CYTH3: variants seen among roughly 807,000 people sequenced by gnomAD.
The protein encoded by CYTH3 is cytohesin 3.
In CYTH3, 23 loss-of-function variants were observed where a neutral mutation model predicts 55.1. The ratio of observed to expected loss-of-function variants is 0.42; its 90% CI spans 0.30 to 0.59. CYTH3 has a LOEUF of 0.59. CYTH3 is among the 20% of genes least tolerant of loss of function. CYTH3 has a pLI of 0.20. For synonymous variants in CYTH3, 249 were observed against 194.9 expected, an observed-to-expected ratio of 1.28 and a Z score of -2.31; for missense variants, 413 against 524.8, an observed-to-expected ratio of 0.79 and a Z score of 2.08.
At chr7:6,184,868 G>A (rs1193284195) in intron 4 of CYTH3, among the ~76,000 whole-genome samples, 1 of 152,110 alleles carries the variant, frequency 6.6e-6, no homozygotes, top group Non-Finnish European at 1.5e-5. Context: ...GTAAGCCACC[G>A]CACCAGGACT....
intron 1 of CYTH3, among the ~76,000 whole-genome samples, chr7:6,210,108 G>T (rs935814090): frequency 8.5e-5 from 13 of 152,238 alleles, no homozygotes; most frequent in African/African-American, 2.4e-4. Context: ...ATAAACTTCA[G>T]TTAGTAACAA....
At chr7:6,239,061 A>AAAATTAGCC (rs1219831083) in intron 1 of CYTH3, among the ~76,000 whole-genome samples, 40 of 152,090 alleles carry the variant, frequency 2.6e-4, no homozygotes, top group Non-Finnish European at 1.6e-4. Context: ...AAAAAATACA[A>AAAATTAGCC]AAATTAGCCA....
chr7:6,209,249 C>T (rs1010128087), intron 1 of CYTH3, among the ~76,000 whole-genome samples: 1 of 152,248 alleles, frequency 6.6e-6, no homozygotes, highest in Non-Finnish European at 1.5e-5. Context: ...TCAAGCTAAT[C>T]AAACTCTCTT....
intron 1 of CYTH3, among the ~76,000 whole-genome samples, chr7:6,224,673 T>C (rs190894503): frequency 5.9e-5 from 9 of 152,266 alleles, no homozygotes; most frequent in Admixed American, 5.2e-4. Context: ...CCCCAGAAAA[T>C]TAAACATAGA....
chr7:6,163,106 G>A lies in CYTH3; in HGVS notation c.*1838C>T, dbSNP rs914124284. On this transcript the variant is annotated 3_prime_UTR_variant, in exon 13 of 13. Transcript: ENST00000350796. ...TATCAGTAACAAAGCCTAAGAACGT[G>A]GGAATGAAAGTCTGATGCAGGACAG... 1.3e-5 allele frequency: 2 copies of A among 152,688 alleles called. No homozygotes were observed. The highest frequency in any genetic ancestry group is 2.9e-5 in the Non-Finnish European group (2 of 68,068). 9.5% of individuals were successfully genotyped at this position (152,688 alleles called of 1,614,324 possible).
At chr7:6,232,723 C>G (rs1257388615) in intron 1 of CYTH3, among the ~76,000 whole-genome samples, 2 of 152,010 alleles carry the variant, frequency 1.3e-5, no homozygotes, top group Non-Finnish European at 1.5e-5. Context: ...GTGGTTCTGA[C>G]TGTCCCGCTT....
intron 1 of CYTH3, among the ~76,000 whole-genome samples, chr7:6,203,644 T>C (rs1344940792): frequency 6.6e-6 from 1 of 151,932 alleles, no homozygotes; most frequent in Non-Finnish European, 1.5e-5. Context: ...CTATTCTGAG[T>C]AGACAACTGA....
intron 12 of CYTH3, 31 bp downstream of exon 12, chr7:6,165,242 G>T: frequency 6.3e-7 from 1 of 1,595,672 alleles, no homozygotes; most frequent in Non-Finnish European, 8.5e-7. Context: ...CGAGAAGACG[G>T]GCCTGGCCCC....
intron 1 of CYTH3, among the ~76,000 whole-genome samples, chr7:6,200,201 T>C (rs1478484454): frequency 6.6e-6 from 1 of 152,264 alleles, no homozygotes; most frequent in Non-Finnish European, 1.5e-5. Flanking sequence ...CAAGTTATAT[T>C]ATTAATCTAG....
chr7:6,166,573 C>G (rs1033724728), intron 9 of CYTH3, among the ~76,000 whole-genome samples: 2 of 152,198 alleles, frequency 1.3e-5, no homozygotes, highest in Non-Finnish European at 2.9e-5. Context: ...GGGGCCAGCA[C>G]GGGCGCTGAG....
intron 1 of CYTH3, among the ~76,000 whole-genome samples, chr7:6,207,220 G>A (rs868093879): frequency 3.4e-5 from 5 of 146,612 alleles, no homozygotes; most frequent in African/African-American, 1.0e-4. Flanking sequence ...TCAGCCTCCC[G>A]AGTACCTGGG....
chr7:6,236,058 G>C (rs1423022813), intron 1 of CYTH3, among the ~76,000 whole-genome samples: 1 of 152,162 alleles, frequency 6.6e-6, no homozygotes, highest in African/African-American at 2.4e-5. Flanking sequence ...AAGAGCTTCA[G>C]CAAACCTGAC....
At chr7:6,264,589 G>A (rs541996344) in intron 1 of CYTH3, among the ~76,000 whole-genome samples, 1 of 152,320 alleles carries the variant, frequency 6.6e-6, no homozygotes, top group Admixed American at 6.5e-5. Flanking sequence ...TCCAGCCTGG[G>A]TGACAGAGTG....
At chr7:6,232,194 T>C (rs1452228472) in intron 1 of CYTH3, among the ~76,000 whole-genome samples, 1 of 152,152 alleles carries the variant, frequency 6.6e-6, no homozygotes, top group African/African-American at 2.4e-5. Flanking sequence ...ATATGCACAA[T>C]TCTGGTTATT....
rs776937452 is a variant in CYTH3, at chr7:6,167,508, G to C, written c.824-1698C>G. ...AGACTCCAGAGCAGGCCCCGCTCCA[G>C]CTGCACTGGTGCCAGCTGCCATCCC... On this transcript the variant is annotated intron_variant, in intron 9 of 12. Transcript: ENST00000350796. This position sits in a 1 kb window ranked among gnomAD's most constrained non-coding sequence, Gnocchi z 5.5. 6.6e-6 allele frequency among the ~76,000 whole-genome samples: 1 copy of C among 152,232 alleles called. No homozygotes were observed. The highest frequency in any genetic ancestry group is 1.5e-5 in the Non-Finnish European group (1 of 68,032).
At chr7:6,195,916 T>C (rs990019183) in intron 1 of CYTH3, among the ~76,000 whole-genome samples, 3 of 152,198 alleles carry the variant, frequency 2.0e-5, no homozygotes, top group Admixed American at 6.5e-5. Flanking sequence ...AAAGTCCACG[T>C]AGAATAAGCT....
In CYTH3 at chr7:6,221,930, T is replaced by C. The variant is rs778569086; in HGVS notation, c.35-31399A>G. ...TGGTGCCACTGCACTCCAGCATGGG[T>C]AACAGAGCAAGACGCTGTCAAAAAA... On this transcript the variant is annotated intron_variant, in intron 1 of 12. Transcript: ENST00000350796. Among the ~76,000 whole-genome samples, 98 of 151,984 alleles carry C rather than the reference T, an allele frequency of 6.4e-4. 1 individual carries two copies. Among genetic ancestry groups the C allele is most frequent in the Non-Finnish European group, 9.3e-4 (63 of 67,972 alleles).
At chr7:6,249,646 T>A (rs751015231) in intron 1 of CYTH3, among the ~76,000 whole-genome samples, 9 of 152,238 alleles carry the variant, frequency 5.9e-5, no homozygotes, top group Non-Finnish European at 1.0e-4. Flanking sequence ...GGTTTCCCAT[T>A]TGTAGTTTCC....
intron 1 of CYTH3, among the ~76,000 whole-genome samples, chr7:6,205,366 A>C (rs991368997): frequency 6.6e-6 from 1 of 152,168 alleles, no homozygotes; most frequent in African/African-American, 2.4e-5. Flanking sequence ...TGAGGTCAGG[A>C]GTTTGAGATC....
Sources: gnomAD v4.1 joint callset for allele counts (sites outside exome capture counted in the v4.1 genomes callset) on GRCh38, gnomAD v4.1.1 for gene constraint, Gnocchi (gnomAD v3.1) non-coding constraint, MANE v1.5 for transcripts, NCBI Gene and HGNC (gene_info 2026-07-23, HGNC 2026-07-21) for gene names.